UNC5D: variants seen among roughly 807,000 people sequenced by gnomAD.
UNC5D encodes the protein netrin receptor UNC5D.
A neutral mutation model predicts 105.4 loss-of-function variants in UNC5D; 39 were observed. That is an observed-to-expected ratio of 0.37 (90% confidence interval 0.29 to 0.48). The LOEUF is 0.48. UNC5D is among the 20% of genes least tolerant of loss of function. The pLI is 0.98. For synonymous variants in UNC5D, 452 were observed against 450.4 expected, an observed-to-expected ratio of 1.00 and a Z score of -0.04; for missense variants, 991 against 1,202.4, an observed-to-expected ratio of 0.82 and a Z score of 2.60.
chr8:35,384,000 G>T (rs1282257117), intron 1 of UNC5D, among the ~76,000 whole-genome samples: 1 of 152,082 alleles, frequency 6.6e-6, no homozygotes, highest in Non-Finnish European at 1.5e-5. Flanking sequence ...TAGATCACAA[G>T]GTCAGGAGAT....
At position 35,235,796 on chromosome 8, in the gene UNC5D, G is replaced by T. The variant is rs530295412; in HGVS notation, c.12G>T (p.Ala4=). MGR[A]AATAGGGGGA... Reference sequence around the variant, plus strand: ...ACGCGGCGAGGAGCATGGGGAGAGCGGCGGCCACCGCAGGCGGCGGCGGAG... The same window carrying T: ...ACGCGGCGAGGAGCATGGGGAGAGCTGCGGCCACCGCAGGCGGCGGCGGAG... Residue 4 remains alanine, a synonymous_variant, in exon 1 of 17, where the codon GCG becomes GCT. Transcript: ENST00000404895. 12,587 of 1,229,838 alleles carry T rather than the reference G, an allele frequency of 0.01. 78 individuals are homozygous for T. Among genetic ancestry groups the T allele is most frequent in the Non-Finnish European group, 0.011 (11,295 of 986,104 alleles). 76.2% of individuals were successfully genotyped at this position (1,229,838 alleles called of 1,614,324 possible).
intron 16 of UNC5D, among the ~76,000 whole-genome samples, chr8:35,777,477 C>T (rs559175688): frequency 3.5e-4 from 53 of 152,234 alleles, no homozygotes; most frequent in Middle Eastern, 6.8e-3. Flanking sequence ...AGTGTCATTC[C>T]CTACCTTTCT....
intron 1 of UNC5D, among the ~76,000 whole-genome samples, chr8:35,349,689 A>G (rs888399343): frequency 1.1e-4 from 16 of 152,020 alleles, no homozygotes; most frequent in Admixed American, 9.8e-4. Context: ...CATGAAATGA[A>G]AAGCCAGTTT....
intron 1 of UNC5D, among the ~76,000 whole-genome samples, chr8:35,483,245 C>G (rs1036089647): frequency 2.0e-5 from 3 of 152,142 alleles, no homozygotes; most frequent in Non-Finnish European, 2.9e-5. Flanking sequence ...AGAATTTACT[C>G]TAAGCATTGT....
At chr8:35,391,060 A>C (rs1006454765) in intron 1 of UNC5D, among the ~76,000 whole-genome samples, 1 of 152,220 alleles carries the variant, frequency 6.6e-6, no homozygotes, top group African/African-American at 2.4e-5. Context: ...CAGGAAGTAC[A>C]GGAGGGAGTA....
intron 1 of UNC5D, among the ~76,000 whole-genome samples, chr8:35,462,780 C>T (rs1473239875): frequency 6.6e-6 from 1 of 152,152 alleles, no homozygotes; most frequent in Admixed American, 6.5e-5. Context: ...TTACTTCGTT[C>T]TTGCCAAAGT....
At chr8:35,736,107 G>A (rs1829455593) in intron 11 of UNC5D, among the ~76,000 whole-genome samples, 1 of 152,146 alleles carries the variant, frequency 6.6e-6, no homozygotes. Context: ...TGAGGGCCTT[G>A]ATTTTTCAGA....
intron 2 of UNC5D, among the ~76,000 whole-genome samples, chr8:35,552,563 T>A (rs528895814): frequency 6.6e-6 from 1 of 152,248 alleles, no homozygotes; most frequent in Admixed American, 6.5e-5. Context: ...AAGCCAATCC[T>A]TTAATCTGGG....
At chr8:35,385,200 G>A (rs991698607) in intron 1 of UNC5D, among the ~76,000 whole-genome samples, 1 of 152,090 alleles carries the variant, frequency 6.6e-6, no homozygotes, top group African/African-American at 2.4e-5. Context: ...TGGCAGCATG[G>A]GGATTACTCC....
intron 1 of UNC5D, among the ~76,000 whole-genome samples, chr8:35,241,005 C>T (rs895238230): frequency 4.6e-5 from 7 of 152,064 alleles, no homozygotes; most frequent in Non-Finnish European, 5.9e-5. Flanking sequence ...ATCCATGGAA[C>T]GGCAGATCCC....
intron 1 of UNC5D, among the ~76,000 whole-genome samples, chr8:35,473,165 A>G (rs1809857463): frequency 6.6e-6 from 1 of 152,206 alleles, no homozygotes; most frequent in African/African-American, 2.4e-5. Context: ...CTCAGTTGAC[A>G]ATGCAGGAGA....
chr8:35,487,115 TCA>T (rs1187717631), intron 1 of UNC5D, among the ~76,000 whole-genome samples: 1 of 152,178 alleles, frequency 6.6e-6, no homozygotes, highest in African/African-American at 2.4e-5. Flanking sequence ...GAAAAAATCC[TCA>T]GTCTTTGGAA....
intron 1 of UNC5D, among the ~76,000 whole-genome samples, chr8:35,334,706 G>A (rs12334297): frequency 0.052 from 7,967 of 152,062 alleles, 243 homozygotes; most frequent in African/African-American, 0.086. Context: ...TAGAGACGGG[G>A]TTTCACCATG....
At chr8:35,659,783 G>A (rs1417203435) in intron 4 of UNC5D, among the ~76,000 whole-genome samples, 1 of 152,150 alleles carries the variant, frequency 6.6e-6, no homozygotes, top group African/African-American at 2.4e-5. Context: ...GAACAATGCA[G>A]AACGTGTTAT....
intron 4 of UNC5D, among the ~76,000 whole-genome samples, chr8:35,670,428 A>G (rs941399066): frequency 1.3e-5 from 2 of 152,318 alleles, no homozygotes; most frequent in African/African-American, 2.4e-5. Flanking sequence ...TTGCAGCACT[A>G]TTGACAATAG....
At chr8:35,458,177 G>A (rs1352897821) in intron 1 of UNC5D, among the ~76,000 whole-genome samples, 1 of 152,134 alleles carries the variant, frequency 6.6e-6, no homozygotes, top group African/African-American at 2.4e-5. Context: ...CTTAGAGGTT[G>A]CCCAGGGCAA....
chr8:35,549,519 G>A lies in UNC5D; in HGVS notation c.322+9G>A, dbSNP rs774487748. 13 of 1,609,090 alleles carry A rather than the reference G, an allele frequency of 8.1e-6. No individual in the cohort carries two copies. In the East Asian group the frequency reaches 8.9e-5, roughly 11 times the overall value. ...TCTGGACGAGAGCTCAGGTAGGAGCGTGCAGCAGTCAGAAGCAGCTGTGGT... is the reference window on the plus strand; with the variant it reads ...TCTGGACGAGAGCTCAGGTAGGAGCATGCAGCAGTCAGAAGCAGCTGTGGT... On this transcript the variant is annotated intron_variant, in intron 2 of 16. Transcript: ENST00000404895.
intron 1 of UNC5D, among the ~76,000 whole-genome samples, chr8:35,371,598 A>G (rs1034610809): frequency 6.6e-6 from 1 of 152,156 alleles, no homozygotes; most frequent in African/African-American, 2.4e-5. Context: ...CTGATTTGGT[A>G]AGAAGAACTT....
At chr8:35,353,741 G>T (rs547457506) in intron 1 of UNC5D, among the ~76,000 whole-genome samples, 147 of 152,050 alleles carry the variant, frequency 9.7e-4, no homozygotes, top group Non-Finnish European at 1.8e-3. Context: ...ATCCAAAAAA[G>T]ATAGTGGGAA....
Sources: allele counts gnomAD v4.1 joint callset (sites outside exome capture counted in the v4.1 genomes callset), GRCh38; gene constraint gnomAD v4.1.1; transcripts MANE v1.5; gene names NCBI Gene and HGNC (gene_info 2026-07-23, HGNC 2026-07-21).